Variants in TDRD1 observed in about 807,000 individuals in gnomAD.
TDRD1 encodes the protein tudor domain-containing protein 1.
A neutral mutation model predicts 140.6 loss-of-function variants in TDRD1; 37 were observed. The ratio of observed to expected loss-of-function variants is 0.26; its 90% CI spans 0.20 to 0.35. The LOEUF (loss-of-function observed/expected upper bound fraction) is 0.35. Among genes scored for constraint, TDRD1 ranks in the 10% least tolerant of loss-of-function variants. The pLI, the probability that TDRD1 is intolerant of heterozygous loss-of-function variation, is 1.00. For missense variants in TDRD1, 1,243 were observed against 1,393.0 expected (o/e 0.89, Z 1.71); for synonymous variants, 506 against 475.7 (o/e 1.06, Z -0.83).
chr10:114,211,135 G>A (rs2035456201), intron 13 of TDRD1, among the ~76,000 whole-genome samples, 168 bp downstream of exon 13: 2 of 152,184 alleles, frequency 1.3e-5, no homozygotes, highest in African/African-American at 4.8e-5. Flanking sequence ...AATTAAACTG[G>A]TTGAAAGGAG....
chr10:114,191,337 T>C (rs1185239381), intron 3 of TDRD1, among the ~76,000 whole-genome samples: 2 of 152,164 alleles, frequency 1.3e-5, no homozygotes, highest in East Asian at 3.9e-4. Flanking sequence ...AAGGGTCCCT[T>C]ATATACCTTG....
chr10:114,226,354 A>G (rs1448155391), intron 22 of TDRD1, 138 bp downstream of exon 22: 5 of 598,626 alleles, frequency 8.4e-6, no homozygotes, highest in Non-Finnish European at 1.4e-5. Flanking sequence ...GAGTTTTCAA[A>G]TAAGTTTCAT....
At chr10:114,196,034 T>A (rs895394943) in intron 3 of TDRD1, among the ~76,000 whole-genome samples, 5 of 152,250 alleles carry the variant, frequency 3.3e-5, no homozygotes, top group African/African-American at 1.2e-4. Flanking sequence ...CATTTACGTC[T>A]TACATATTCT....
intron 2 of TDRD1, 144 bp from the exon 3 acceptor site, chr10:114,190,817 G>A (rs1024003613): frequency 1.3e-6 from 1 of 742,510 alleles, no homozygotes; most frequent in Admixed American, 2.6e-5. Flanking sequence ...GGAAAAGTAG[G>A]ATGTTGCTTA....
chr10:114,198,000 C>T (rs1414633126), intron 3 of TDRD1, among the ~76,000 whole-genome samples: 2 of 152,174 alleles, frequency 1.3e-5, no homozygotes, highest in East Asian at 1.9e-4. Flanking sequence ...CTTCCTCCGA[C>T]ACTGCTCTGG....
At chr10:114,212,809 G>C (rs748183548) in intron 14 of TDRD1, among the ~76,000 whole-genome samples, 1 of 152,080 alleles carries the variant, frequency 6.6e-6, no homozygotes, top group African/African-American at 2.4e-5. Context: ...CTACCATAAT[G>C]TTCACTTTAG....
intron 18 of TDRD1, 34 bp downstream of exon 18, chr10:114,218,618 CTAA>C: frequency 6.8e-7 from 1 of 1,468,738 alleles, no homozygotes; most frequent in Non-Finnish European, 9.3e-7. Context: ...TCTCAACTTT[CTAA>C]TACTTGGGGC....
chr10:114,197,583 GA>G (rs1275181367), intron 3 of TDRD1, among the ~76,000 whole-genome samples: 3 of 148,596 alleles, frequency 2.0e-5, no homozygotes, highest in African/African-American at 7.4e-5. Flanking sequence ...ATTTGTTTGT[GA>G]TCTTCCTGAT....
At chr10:114,191,751 G>A (rs1267448403) in intron 3 of TDRD1, among the ~76,000 whole-genome samples, 1 of 152,150 alleles carries the variant, frequency 6.6e-6, no homozygotes, top group Non-Finnish European at 1.5e-5. Flanking sequence ...ACAATTTCTG[G>A]GTTGAAGACT....
At chr10:114,199,567 C>G (rs980295348) in intron 4 of TDRD1, among the ~76,000 whole-genome samples, 1 of 152,200 alleles carries the variant, frequency 6.6e-6, no homozygotes, top group African/African-American at 2.4e-5. Flanking sequence ...CACAGACTTA[C>G]ATCCTTGTCA....
At chr10:114,207,627 G>A (rs773466854) in intron 11 of TDRD1, among the ~76,000 whole-genome samples, 24 of 152,058 alleles carry the variant, frequency 1.6e-4, no homozygotes, top group Admixed American at 3.9e-4. Context: ...GGTTGAAACC[G>A]TAGGTTCTGG....
intron 6 of TDRD1, 48 bp downstream of exon 6, chr10:114,202,346 A>G: frequency 7.8e-7 from 1 of 1,283,430 alleles, no homozygotes; most frequent in Admixed American, 2.2e-5. Flanking sequence ...TCTTTATTGA[A>G]TTAAGATGTA....
intron 4 of TDRD1, among the ~76,000 whole-genome samples, chr10:114,200,948 C>T (rs1334931822): frequency 6.0e-5 from 9 of 149,868 alleles, no homozygotes; most frequent in East Asian, 2.0e-4. Flanking sequence ...CTCTGCCTCC[C>T]GGGTTCGAGA....
intron 21 of TDRD1, among the ~76,000 whole-genome samples, chr10:114,225,140 G>A (rs1017837030): frequency 1.3e-5 from 2 of 152,212 alleles, no homozygotes; most frequent in African/African-American, 4.8e-5. Flanking sequence ...CATGCCCTCT[G>A]TGGTTCATTC....
At chr10:114,223,812 C>T (rs1274625728) in intron 21 of TDRD1, among the ~76,000 whole-genome samples, 1 of 152,152 alleles carries the variant, frequency 6.6e-6, no homozygotes, top group African/African-American at 2.4e-5. Context: ...AGTGCAAATT[C>T]CCTCAAAGAA....
chr10:114,193,289 C>CT (rs1170053036), intron 3 of TDRD1, among the ~76,000 whole-genome samples: 1,955 of 83,668 alleles, frequency 0.023, 95 homozygotes, highest in African/African-American at 0.064. Context: ...TTGCTGAAGT[C>CT]TTTTTTTTTT....
At chr10:114,175,888 C>A, upstream of TDRD1, among the ~76,000 whole-genome samples, 1 of 152,202 alleles carries the variant, frequency 6.6e-6, no homozygotes, top group East Asian at 1.9e-4. Context: ...CAAGTCATTA[C>A]AATCTGAGAA....
upstream of TDRD1, among the ~76,000 whole-genome samples, chr10:114,175,968 G>A (rs1472422937): frequency 2.0e-5 from 3 of 152,052 alleles, no homozygotes; most frequent in Non-Finnish European, 4.4e-5. Context: ...TAGTCAATGT[G>A]GGGAAGCTCT....
chr10:114,176,062 G>GATTA (rs2032689183), upstream of TDRD1, among the ~76,000 whole-genome samples: 1 of 152,116 alleles, frequency 6.6e-6, no homozygotes, highest in Admixed American at 6.5e-5. This position sits in a 1 kb window ranked among gnomAD's most constrained non-coding sequence, Gnocchi z 4.2. Context: ...AATGGATCTA[G>GATTA]GTAATGGTCA....
Sources: allele counts gnomAD v4.1 joint callset (sites outside exome capture counted in the v4.1 genomes callset), GRCh38; gene constraint gnomAD v4.1.1; non-coding constraint Gnocchi (gnomAD v3.1); transcripts MANE v1.5; gene names NCBI Gene and HGNC (gene_info 2026-07-23, HGNC 2026-07-21).